The following ADAMTS2 variants were observed in gnomAD, a reference collection of about 807,000 sequenced individuals.
The protein encoded by ADAMTS2 is ADAM metallopeptidase with thrombospondin type 1 motif 2.
Under a neutral mutation model 123.0 loss-of-function variants are expected in ADAMTS2, and 50 were observed. The observed-to-expected ratio is 0.41, with a 90% CI of 0.32 to 0.51. ADAMTS2 has a LOEUF of 0.51. Ranked by LOEUF, ADAMTS2 falls within the 20% of genes least tolerant of loss-of-function variation. The pLI, the probability that ADAMTS2 is intolerant of heterozygous loss-of-function variation, is 0.35. For missense variants in ADAMTS2, 1,494 were observed against 1,705.2 expected, an observed-to-expected ratio of 0.88 and a Z score of 2.18; for synonymous variants, 678 against 695.4, an observed-to-expected ratio of 0.98 and a Z score of 0.39.
At chr5:179,250,054 A>G (rs1370475943) in intron 3 of ADAMTS2, among the ~76,000 whole-genome samples, 1 of 152,224 alleles carries the variant, frequency 6.6e-6, no homozygotes, top group East Asian at 1.9e-4. Flanking sequence ...ATCAATCCAT[A>G]TAATATACTA....
chr5:179,156,266 T>C (rs1272755324), intron 6 of ADAMTS2, among the ~76,000 whole-genome samples: 2 of 152,108 alleles, frequency 1.3e-5, no homozygotes, highest in African/African-American at 4.8e-5. Context: ...GCCTCCTCGA[T>C]GGAGGGTCTG....
Position 179,225,609 on chromosome 5 carries a change from C to T in ADAMTS2, c.689-17894G>A, listed in dbSNP as rs189259437. Reference sequence around the variant, plus strand: ...ACAGGCGGCTGGACGTCGAGAGGAACGCACCAACGAGCACCAGCACGCTGC... The same window carrying T: ...ACAGGCGGCTGGACGTCGAGAGGAATGCACCAACGAGCACCAGCACGCTGC... On this transcript the variant is annotated intron_variant, in intron 3 of 21. Coordinates refer to ENST00000251582, the MANE Select transcript of ADAMTS2 (RefSeq NM_014244.5). The surrounding 1 kb of genome is among the most constrained non-coding windows in gnomAD (Gnocchi z 4.5). Among the ~76,000 whole-genome samples, 7 of 152,256 alleles carry T rather than the reference C, an allele frequency of 4.6e-5. No individual in the cohort carries two copies. In the East Asian group the frequency reaches 1.2e-3, roughly 25 times the overall value.
chr5:179,216,483 C>T (rs1020492944), intron 3 of ADAMTS2, among the ~76,000 whole-genome samples: 1 of 151,680 alleles, frequency 6.6e-6, no homozygotes, highest in African/African-American at 2.4e-5. Context: ...ACAGGTCAGC[C>T]CCCTCCCTCT....
chr5:179,270,516 TAC>T (rs34035881), intron 3 of ADAMTS2, among the ~76,000 whole-genome samples: 2 of 151,678 alleles, frequency 1.3e-5, no homozygotes, highest in Admixed American at 1.3e-4. Context: ...GGGTCCCCTA[TAC>T]ACACACACAC....
chr5:179,166,923 C>T (rs891428913), intron 5 of ADAMTS2, among the ~76,000 whole-genome samples: 4 of 152,182 alleles, frequency 2.6e-5, no homozygotes, highest in Admixed American at 6.5e-5. Flanking sequence ...CAGAGGACCC[C>T]GGCTGCTGGG....
chr5:179,268,472 C>A (rs759228508), intron 3 of ADAMTS2, among the ~76,000 whole-genome samples: 2 of 152,224 alleles, frequency 1.3e-5, no homozygotes, highest in East Asian at 1.9e-4. Flanking sequence ...GAAACAGAGA[C>A]CACATGCTCA....
chr5:179,342,685 G>T (rs1180840151), intron 2 of ADAMTS2, among the ~76,000 whole-genome samples: 1 of 152,244 alleles, frequency 6.6e-6, no homozygotes, highest in East Asian at 1.9e-4. Context: ...CGGAACCCAT[G>T]GTGGGCGGCT....
At chr5:179,305,626 A>G (rs1411929344) in intron 2 of ADAMTS2, among the ~76,000 whole-genome samples, 1 of 152,226 alleles carries the variant, frequency 6.6e-6, no homozygotes, top group African/African-American at 2.4e-5. Flanking sequence ...AAGGGAGGAA[A>G]TGATAAGAGT....
At chr5:179,320,587 GGATTA>G (rs1757141133) in intron 2 of ADAMTS2, among the ~76,000 whole-genome samples, 3 of 151,874 alleles carry the variant, frequency 2.0e-5, no homozygotes, top group Non-Finnish European at 4.4e-5. Context: ...CAAAGTGCTG[GGATTA>G]CAGGCATGAG....
Position 179,154,035 on chromosome 5 carries a change from T to C in ADAMTS2, c.1382+14A>G. The C allele has an allele frequency of 1.3e-6, 2 of 1,595,538 alleles. No homozygotes were observed. Among genetic ancestry groups the C allele is most frequent in the Non-Finnish European group, 1.7e-6 (2 of 1,174,462 alleles). On this transcript the variant is annotated intron_variant, in intron 8 of 21. Coordinates refer to ENST00000251582, the MANE Select transcript of ADAMTS2 (RefSeq NM_014244.5). ...ACTGAGGGGTCGCCCACGGGGCACA[T>C]GGGCAGTACTCACTGCAGGTAGCGG... is the stretch of plus-strand genomic sequence containing the variant.
At chr5:179,325,376 G>A (rs939450153) in intron 2 of ADAMTS2, among the ~76,000 whole-genome samples, 1 of 152,178 alleles carries the variant, frequency 6.6e-6, no homozygotes, top group African/African-American at 2.4e-5. Context: ...GAGAAACGGG[G>A]GCAGGGAGAA....
At chr5:179,193,138 C>G (rs566624077) in intron 4 of ADAMTS2, among the ~76,000 whole-genome samples, 2 of 152,306 alleles carry the variant, frequency 1.3e-5, no homozygotes, top group Admixed American at 6.5e-5. Context: ...CAGGTGGAGA[C>G]AGCTGACCGT....
chr5:179,212,837 T>C (rs1211098345), intron 3 of ADAMTS2, among the ~76,000 whole-genome samples: 2 of 152,020 alleles, frequency 1.3e-5, no homozygotes, highest in Non-Finnish European at 2.9e-5. Flanking sequence ...GGCTTTGCAG[T>C]GCTAAGGGTG....
chr5:179,214,117 A>G (rs1044879332), intron 3 of ADAMTS2, among the ~76,000 whole-genome samples: 1 of 151,232 alleles, frequency 6.6e-6, no homozygotes, highest in African/African-American at 2.4e-5. Context: ...ACATTAGGAC[A>G]CAACTCAAAA....
rs1487583199 is a variant in ADAMTS2, at chr5:179,262,828, TC to T, written c.688+10082del. On this transcript the variant is annotated intron_variant, in intron 3 of 21. Coordinates refer to ENST00000251582, the MANE Select transcript of ADAMTS2 (RefSeq NM_014244.5). This position sits in a 1 kb window ranked among gnomAD's most constrained non-coding sequence, Gnocchi z 5.9. ...GAGAACAGGGACTCGATCGGGTTCC[TC>T]CGCTGCTACAGCCCCAGCACCCAGT... Among the ~76,000 whole-genome samples, 1 of 152,266 alleles carries T rather than the reference TC, an allele frequency of 6.6e-6. No individual in the cohort carries two copies. Among genetic ancestry groups the T allele is most frequent in the Non-Finnish European group, 1.5e-5 (1 of 68,046 alleles).
rs145691514 is a variant in ADAMTS2 at position 179,231,844 on chromosome 5, G to A, written c.689-24129C>T. On this transcript the variant is annotated intron_variant, in intron 3 of 21. Coordinates refer to ENST00000251582, the MANE Select transcript of ADAMTS2 (RefSeq NM_014244.5). ...GGGGTAGGATCACTTGAGTACCAGAGTTAGAGGCTGCAGTGAGCCATGATT... is the reference window on the plus strand; with the variant it reads ...GGGGTAGGATCACTTGAGTACCAGAATTAGAGGCTGCAGTGAGCCATGATT... 3.7e-3 allele frequency among the ~76,000 whole-genome samples: 556 copies of A among 150,908 alleles called. 1 individual carries two copies. Among genetic ancestry groups the A allele is most frequent in the Non-Finnish European group, 6.3e-3 (429 of 67,854 alleles).
At chr5:179,171,160 G>C (rs936434805) in intron 5 of ADAMTS2, among the ~76,000 whole-genome samples, 9 of 152,258 alleles carry the variant, frequency 5.9e-5, no homozygotes, top group African/African-American at 1.7e-4. Context: ...CGGAAGTATT[G>C]GTCTGTGATG....
At chr5:179,163,434 G>A (rs1256406123) in intron 5 of ADAMTS2, among the ~76,000 whole-genome samples, 1 of 152,176 alleles carries the variant, frequency 6.6e-6, no homozygotes, top group Non-Finnish European at 1.5e-5. Context: ...AGAGCTGCTG[G>A]ATCAGATTTC....
At chr5:179,289,036 T>G (rs796629021) in intron 2 of ADAMTS2, among the ~76,000 whole-genome samples, 1 of 152,200 alleles carries the variant, frequency 6.6e-6, no homozygotes, top group Non-Finnish European at 1.5e-5. Flanking sequence ...GGCCAGGTGC[T>G]GACCTTGTGC....
Sources: gnomAD v4.1 joint callset for allele counts (sites outside exome capture counted in the v4.1 genomes callset) on GRCh38, gnomAD v4.1.1 for gene constraint, Gnocchi (gnomAD v3.1) non-coding constraint, MANE v1.5 for transcripts, NCBI Gene and HGNC (gene_info 2026-07-23, HGNC 2026-07-21) for gene names.